GNAL: variants seen among roughly 807,000 people sequenced by gnomAD.
The protein encoded by GNAL is guanine nucleotide-binding protein G(olf) subunit alpha.
Under a neutral mutation model 55.1 loss-of-function variants are expected in GNAL, and 18 were observed. The ratio of observed to expected loss-of-function variants is 0.33; its 90% CI spans 0.23 to 0.48. GNAL has a LOEUF of 0.48. GNAL is among the 20% of genes least tolerant of loss of function. The probability of loss-of-function intolerance (pLI) is 0.99; values close to 1 mark genes in which losing one functional copy is unlikely to be tolerated. For missense variants in GNAL, 412 were observed against 614.1 expected, an observed-to-expected ratio of 0.67 and a Z score of 3.48; for synonymous variants, 253 against 237.0, an observed-to-expected ratio of 1.07 and a Z score of -0.62.
At chr18:11,821,848 G>A (rs538757770) in intron 4 of GNAL, among the ~76,000 whole-genome samples, 1 of 152,234 alleles carries the variant, frequency 6.6e-6, no homozygotes, top group African/African-American at 2.4e-5. Flanking sequence ...AGCTCACCAA[G>A]GGCTGAAGCA....
intron 4 of GNAL, among the ~76,000 whole-genome samples, chr18:11,773,398 T>C (rs2033689940): frequency 6.6e-6 from 1 of 152,132 alleles, no homozygotes; most frequent in Non-Finnish European, 1.5e-5. Context: ...GTCTCTGAAA[T>C]GGTCCCCACG....
intron 5 of GNAL, among the ~76,000 whole-genome samples, chr18:11,834,724 CAAAG>C (rs1467264029): frequency 2.6e-5 from 4 of 152,168 alleles, no homozygotes; most frequent in African/African-American, 4.8e-5. Context: ...TCTCAAAAAA[CAAAG>C]AAAGAAATTT....
chr18:11,748,285 C>A (rs1315419396), intron 1 of GNAL, among the ~76,000 whole-genome samples: 1 of 152,106 alleles, frequency 6.6e-6, no homozygotes, highest in African/African-American at 2.4e-5. Context: ...GGTAATAGTG[C>A]GAATGTTGCA....
At chr18:11,853,258 A>C (rs1330192579) in intron 5 of GNAL, 1 of 167,162 alleles carries the variant, frequency 6.0e-6, no homozygotes, top group Admixed American at 6.5e-5. Flanking sequence ...AAATCTGAGA[A>C]GTAAAGAGGT....
chr18:11,768,506 CAGGAG>C (rs1399298305), intron 4 of GNAL, among the ~76,000 whole-genome samples: 1 of 151,906 alleles, frequency 6.6e-6, no homozygotes, highest in African/African-American at 2.4e-5. Flanking sequence ...GCAGCTGAGG[CAGGAG>C]AATCGCTTGA....
intron 9 of GNAL, among the ~76,000 whole-genome samples, chr18:11,871,240 TG>T (rs201907286): frequency 0.015 from 2,244 of 150,598 alleles, 54 homozygotes; most frequent in African/African-American, 0.04. Flanking sequence ...ATTGTGTGTG[TG>T]GGTTTTTCTT....
intron 5 of GNAL, chr18:11,852,037 G>C (rs549187606): frequency 1.9e-5 from 31 of 1,613,736 alleles, no homozygotes; most frequent in Non-Finnish European, 2.6e-5. Flanking sequence ...GACCGGCTCC[G>C]TGGGCACGAG....
intron 4 of GNAL, among the ~76,000 whole-genome samples, chr18:11,779,255 T>C (rs2033865239): frequency 6.6e-6 from 1 of 152,236 alleles, no homozygotes; most frequent in Non-Finnish European, 1.5e-5. Flanking sequence ...ACCAAATCTA[T>C]ACCTTGCTGA....
chr18:11,804,209 C>T (rs1376194968), intron 4 of GNAL, among the ~76,000 whole-genome samples: 30 of 68,270 alleles, frequency 4.4e-4, no homozygotes, highest in Admixed American at 4.7e-4. Context: ...GGATGGAACA[C>T]GGAGATACTG....
At chr18:11,826,873 G>A (rs566605337) in intron 5 of GNAL, among the ~76,000 whole-genome samples, 7 of 152,250 alleles carry the variant, frequency 4.6e-5, no homozygotes, top group Admixed American at 3.3e-4. Context: ...CCAGTGTACC[G>A]GTCATCAGCT....
At chr18:11,710,136 G>A (rs774899031) in intron 1 of GNAL, among the ~76,000 whole-genome samples, 4 of 152,176 alleles carry the variant, frequency 2.6e-5, no homozygotes, top group African/African-American at 9.6e-5. Flanking sequence ...TCATCCTTGC[G>A]TTTCAGGGAT....
At chr18:11,722,933 C>T (rs993533873) in intron 1 of GNAL, among the ~76,000 whole-genome samples, 3 of 150,952 alleles carry the variant, frequency 2.0e-5, no homozygotes, top group African/African-American at 7.3e-5. Context: ...ATCACTTGAA[C>T]CTGGGAGGCG....
intron 9 of GNAL, among the ~76,000 whole-genome samples, chr18:11,869,239 G>A (rs1476727907): frequency 6.6e-6 from 1 of 152,016 alleles, no homozygotes; most frequent in Non-Finnish European, 1.5e-5. Flanking sequence ...CACCTCCCGG[G>A]TTCATGCCAT....
chr18:11,785,083 C>G (rs1270417664), intron 4 of GNAL, among the ~76,000 whole-genome samples: 2 of 152,088 alleles, frequency 1.3e-5, no homozygotes, highest in African/African-American at 4.8e-5. Context: ...TTTCCCAGTC[C>G]CACGCTCAGT....
At chr18:11,849,825 T>C (rs919904705) in intron 5 of GNAL, among the ~76,000 whole-genome samples, 2 of 152,172 alleles carry the variant, frequency 1.3e-5, no homozygotes, top group African/African-American at 4.8e-5. Flanking sequence ...TGAAATACAA[T>C]TAAATTCAGC....
chr18:11,833,244 C>T (rs1192765620), intron 5 of GNAL, among the ~76,000 whole-genome samples: 2 of 152,048 alleles, frequency 1.3e-5, no homozygotes, highest in Non-Finnish European at 1.5e-5. Context: ...ATTGGCCAGG[C>T]TGGTCTCGAA....
chr18:11,861,906 G>A (rs1232696754), intron 5 of GNAL, among the ~76,000 whole-genome samples: 2 of 151,076 alleles, frequency 1.3e-5, no homozygotes, highest in African/African-American at 4.9e-5. Flanking sequence ...ATTTACTCTT[G>A]CACACCACAT....
chr18:11,754,073 G>A, intron 4 of GNAL, 128 bp downstream of exon 4: 1 of 719,152 alleles, frequency 1.4e-6, no homozygotes, highest in Non-Finnish European at 2.4e-6. Flanking sequence ...CTCTCTAAAT[G>A]CATAAGAGGA....
intron 5 of GNAL, among the ~76,000 whole-genome samples, chr18:11,829,294 G>GT (rs2035322743): frequency 6.6e-6 from 1 of 151,986 alleles, no homozygotes; most frequent in Non-Finnish European, 1.5e-5. Context: ...CGTTTAGCTC[G>GT]TTTCACCCAT....
Sources: gnomAD v4.1 joint callset for allele counts (sites outside exome capture counted in the v4.1 genomes callset) on GRCh38, gnomAD v4.1.1 for gene constraint, MANE v1.5 for transcripts, NCBI Gene and HGNC (gene_info 2026-07-23, HGNC 2026-07-21) for gene names.